BNC2: variants seen among roughly 807,000 people sequenced by gnomAD.
The protein encoded by BNC2 is zinc finger protein basonuclin-2.
In BNC2, 20 loss-of-function variants were observed where a neutral mutation model predicts 76.3. The ratio of observed to expected loss-of-function variants is 0.26; its 90% confidence interval spans 0.18 to 0.38. The LOEUF (loss-of-function observed/expected upper bound fraction) is 0.38. Ranked by LOEUF, BNC2 falls within the 10% of genes least tolerant of loss-of-function variation. The probability of loss-of-function intolerance (pLI) is 1.00; values close to 1 mark genes in which losing one functional copy is unlikely to be tolerated. For synonymous variants in BNC2, 582 were observed against 514.8 expected (o/e 1.13, Z -1.77); for missense variants, 1,382 against 1,399.8 (o/e 0.99, Z 0.20).
At chr9:16,618,540 A>G (rs2133551571) in intron 3 of BNC2, among the ~76,000 whole-genome samples, 1 of 152,274 alleles carries the variant, frequency 6.6e-6, no homozygotes, top group Non-Finnish European at 1.5e-5. Flanking sequence ...TGTAAATTTC[A>G]TCTTCAAAAA....
chr9:16,747,551 C>G (rs941798532), intron 1 of BNC2, among the ~76,000 whole-genome samples: 14 of 152,260 alleles, frequency 9.2e-5, no homozygotes, highest in African/African-American at 3.4e-4. Flanking sequence ...ATAAGGAAAT[C>G]GAAGCTAAGA....
chr9:16,811,047 T>C (rs1818035243), intron 1 of BNC2, among the ~76,000 whole-genome samples: 1 of 150,792 alleles, frequency 6.6e-6, no homozygotes, highest in African/African-American at 2.4e-5. Context: ...TGAAACCCCG[T>C]CTCTACTAAA....
intron 2 of BNC2, among the ~76,000 whole-genome samples, chr9:16,733,695 C>G (rs1411429): frequency 0.9 from 136,791 of 152,216 alleles, 61,505 homozygotes; most frequent in Non-Finnish European, 0.92. Context: ...CATCTCTACT[C>G]ATAAAGGTAC....
chr9:16,754,758 A>G (rs1825330928), intron 1 of BNC2, among the ~76,000 whole-genome samples: 4 of 152,100 alleles, frequency 2.6e-5, no homozygotes, highest in African/African-American at 4.8e-5. Flanking sequence ...GGGTTTCACC[A>G]TCTTGGCCAG....
chr9:16,643,454 T>G (rs1563877308), intron 3 of BNC2, among the ~76,000 whole-genome samples: 1 of 152,092 alleles, frequency 6.6e-6, no homozygotes, highest in Non-Finnish European at 1.5e-5. Context: ...GGAATCCACA[T>G]TCCTGGTTTT....
chr9:16,561,301 C>T (rs752156855), intron 4 of BNC2, among the ~76,000 whole-genome samples: 9 of 151,542 alleles, frequency 5.9e-5, no homozygotes, highest in Non-Finnish European at 1.2e-4. Flanking sequence ...GACACATATG[C>T]CCCCACTCAC....
At chr9:16,527,855 T>C (rs1012236071) in intron 5 of BNC2, among the ~76,000 whole-genome samples, 20 of 152,294 alleles carry the variant, frequency 1.3e-4, no homozygotes, top group African/African-American at 4.6e-4. Flanking sequence ...GTGGGAGAGA[T>C]GAGATGCTGC....
At chr9:16,572,803 A>T (rs1819363297) in intron 4 of BNC2, among the ~76,000 whole-genome samples, 2 of 152,124 alleles carry the variant, frequency 1.3e-5, no homozygotes, top group African/African-American at 4.8e-5. Flanking sequence ...AAGGGACAAG[A>T]GCCTGGATTT....
intron 5 of BNC2, chr9:16,473,294 G>A (rs1187428253): frequency 6.6e-6 from 1 of 152,146 alleles, no homozygotes; most frequent in African/African-American, 2.4e-5. Context: ...CTTCAGAAGG[G>A]GATCCTACTT....
At chr9:16,856,853 A>T (rs1231518878) in intron 1 of BNC2, among the ~76,000 whole-genome samples, 1 of 152,190 alleles carries the variant, frequency 6.6e-6, no homozygotes, top group Admixed American at 6.5e-5. Context: ...GAACTTCTCC[A>T]ATCCTAGATG....
chr9:16,678,288 T>TC (rs1822718007), intron 3 of BNC2, among the ~76,000 whole-genome samples: 1 of 134,970 alleles, frequency 7.4e-6, no homozygotes, highest in Non-Finnish European at 1.6e-5. Context: ...TTTTTTTTTT[T>TC]TTTTTTTTGA....
At chr9:16,819,347 T>C (rs539489390) in intron 1 of BNC2, among the ~76,000 whole-genome samples, 2 of 152,236 alleles carry the variant, frequency 1.3e-5, no homozygotes, top group South Asian at 2.1e-4. Context: ...TCAGCAAGCA[T>C]AAAAGGAATC....
At chr9:16,497,978 G>GGTGTGTGTGTGTGTGTGT (rs34523754) in intron 5 of BNC2, among the ~76,000 whole-genome samples, 11 of 134,870 alleles carry the variant, frequency 8.2e-5, no homozygotes, top group East Asian at 2.3e-4. Context: ...AAGAAACTGT[G>GGTGTGTGTGTGTGTGTGT]GTGTGTGTGT....
chr9:16,826,790 T>C (rs946948091), intron 1 of BNC2, among the ~76,000 whole-genome samples: 6 of 151,962 alleles, frequency 3.9e-5, no homozygotes, highest in Non-Finnish European at 8.8e-5. Flanking sequence ...CTATGGAAAA[T>C]AGCCTAAAGA....
intron 1 of BNC2, among the ~76,000 whole-genome samples, chr9:16,855,424 T>C (rs541068366): frequency 1.3e-5 from 2 of 152,340 alleles, no homozygotes; most frequent in South Asian, 2.1e-4. Flanking sequence ...GTTAAATTGT[T>C]GTATTCTAAA....
At chr9:16,776,250 CCT>C (rs1825965581) in intron 1 of BNC2, among the ~76,000 whole-genome samples, 1 of 152,142 alleles carries the variant, frequency 6.6e-6, no homozygotes, top group Non-Finnish European at 1.5e-5. Flanking sequence ...AAGCGATTCT[CCT>C]CTCTCAGTCT....
chr9:16,740,349 C>T (rs1403818829), intron 1 of BNC2, among the ~76,000 whole-genome samples: 2 of 152,172 alleles, frequency 1.3e-5, no homozygotes, highest in Non-Finnish European at 2.9e-5. Flanking sequence ...TTGACAGTGA[C>T]TGACACAGTA....
At chr9:16,569,732 A>G (rs1046854499) in intron 4 of BNC2, among the ~76,000 whole-genome samples, 4 of 152,298 alleles carry the variant, frequency 2.6e-5, no homozygotes, top group African/African-American at 9.6e-5. Context: ...CTCCACATGA[A>G]GGTGGTAACA....
chr9:16,754,929 C>T (rs1399048409), intron 1 of BNC2, among the ~76,000 whole-genome samples: 2 of 152,170 alleles, frequency 1.3e-5, no homozygotes, highest in South Asian at 2.1e-4. Context: ...ACCCAAGAAG[C>T]ACTTGAGGGC....
Sources: gnomAD v4.1 joint callset for allele counts (sites outside exome capture counted in the v4.1 genomes callset) on GRCh38, gnomAD v4.1.1 for gene constraint, MANE v1.5 for transcripts, NCBI Gene and HGNC (gene_info 2026-07-23, HGNC 2026-07-21) for gene names.